Variants in PLEKHA8 observed in about 807,000 individuals in gnomAD.
PLEKHA8 encodes pleckstrin homology domain containing A8.
A neutral mutation model predicts 68.2 loss-of-function variants in PLEKHA8; 36 were observed. The observed-to-expected ratio is 0.53, with a 90% CI of 0.40 to 0.70. PLEKHA8 has a LOEUF of 0.70. Ranked by LOEUF, PLEKHA8 falls within the 30% of genes least tolerant of loss-of-function variation. The probability of loss-of-function intolerance (pLI) is 0.00; values close to 1 mark genes in which losing one functional copy is unlikely to be tolerated. For missense variants in PLEKHA8, 505 were observed against 615.4 expected, an observed-to-expected ratio of 0.82 and a Z score of 1.90; for synonymous variants, 211 against 216.1, an observed-to-expected ratio of 0.98 and a Z score of 0.20.
intron 13 of PLEKHA8, among the ~76,000 whole-genome samples, chr7:30,074,607 A>T (rs1433334135): frequency 6.6e-6 from 1 of 152,174 alleles, no homozygotes; most frequent in Admixed American, 6.5e-5. Context: ...CATTCAGGTG[A>T]TGAAGTCAAC....
chr7:30,044,726 GAAA>G (rs1791815310), intron 1 of PLEKHA8, among the ~76,000 whole-genome samples: 1 of 152,146 alleles, frequency 6.6e-6, no homozygotes, highest in Admixed American at 6.5e-5. Flanking sequence ...ATTCGTCTTA[GAAA>G]AAGTAAAAAT....
intron 13 of PLEKHA8, among the ~76,000 whole-genome samples, chr7:30,113,602 TCCTTA>T (rs1796337641): frequency 6.6e-6 from 1 of 152,200 alleles, no homozygotes; most frequent in Non-Finnish European, 1.5e-5. Context: ...GCAGATTCTT[TCCTTA>T]CAATTCTAGT....
intron 13 of PLEKHA8, among the ~76,000 whole-genome samples, chr7:30,114,070 T>C (rs1796353406): frequency 6.6e-6 from 1 of 152,132 alleles, no homozygotes. Flanking sequence ...GGCTAATTTT[T>C]GTATTTTTAA....
At chr7:30,055,024 TAAG>T (rs1170195082) in intron 8 of PLEKHA8, among the ~76,000 whole-genome samples, 159 bp downstream of exon 8, 1 of 152,232 alleles carries the variant, frequency 6.6e-6, no homozygotes, top group Non-Finnish European at 1.5e-5. Context: ...TACCAATGAA[TAAG>T]AAGGAATTCA....
intron 12 of PLEKHA8, among the ~76,000 whole-genome samples, chr7:30,063,230 C>T (rs372119458): frequency 6.6e-5 from 10 of 152,092 alleles, no homozygotes; most frequent in African/African-American, 2.4e-4. Context: ...AGTCATAAAG[C>T]CAAAATGGGA....
chr7:30,105,552 T>A (rs1173172994), intron 13 of PLEKHA8, among the ~76,000 whole-genome samples: 1 of 152,108 alleles, frequency 6.6e-6, no homozygotes, highest in Non-Finnish European at 1.5e-5. Context: ...CCAGTTCAAA[T>A]AGCCAGATCA....
At chr7:30,041,699 A>G (rs950375735) in intron 1 of PLEKHA8, among the ~76,000 whole-genome samples, 1 of 152,140 alleles carries the variant, frequency 6.6e-6, no homozygotes, top group Admixed American at 6.5e-5. Flanking sequence ...CCAGCCTTCA[A>G]GCTGCTTTCA....
At chr7:30,036,009 A>C (rs1328059793) in intron 1 of PLEKHA8, among the ~76,000 whole-genome samples, 1 of 151,512 alleles carries the variant, frequency 6.6e-6, no homozygotes, top group Non-Finnish European at 1.5e-5. Flanking sequence ...TAATGCCAAC[A>C]CTTTGGGAGG....
intron 5 of PLEKHA8, 121 bp downstream of exon 5, chr7:30,049,503 C>T: frequency 3.9e-6 from 5 of 1,276,820 alleles, no homozygotes; most frequent in Non-Finnish European, 4.2e-6. Context: ...ATGGACTTTG[C>T]TCTACGTCCT....
intron 13 of PLEKHA8, among the ~76,000 whole-genome samples, chr7:30,100,146 A>G (rs142547309): frequency 1.1e-3 from 172 of 152,258 alleles, no homozygotes; most frequent in African/African-American, 3.7e-3. Context: ...GAGACCTGTC[A>G]TTGGATTTAG....
rs748510108 is a variant in PLEKHA8, at chr7:30,054,832, T to C, written c.920T>C (p.Val307Ala). 31 of 1,610,434 alleles carry C rather than the reference T, an allele frequency of 1.9e-5. 1 individual carries two copies. The Admixed American group carries it at 5.1e-4, about 26-fold the overall frequency. The change falls in exon 8 of 14, where the codon GTT (valine) becomes GCT (alanine). Residue 307 changes from valine (V) to alanine (A), a missense_variant. Transcript: ENST00000449726. ...TGCCTCTGGGAGGAAGGCAAAGAAGTTATCCCAACTTTCTTTAGTACCATG... is the reference window on the plus strand; with the variant it reads ...TGCCTCTGGGAGGAAGGCAAAGAAGCTATCCCAACTTTCTTTAGTACCATG... ...PECLWEEGKE[V>A]IPTFFSTMNT...
intron 12 of PLEKHA8, among the ~76,000 whole-genome samples, chr7:30,065,560 G>C (rs1793786579): frequency 6.6e-6 from 1 of 151,892 alleles, no homozygotes; most frequent in Admixed American, 6.6e-5. Flanking sequence ...TTCTCATTTT[G>C]AAGTCCCAGC....
chr7:30,051,908 G>A (rs190604773), intron 6 of PLEKHA8, among the ~76,000 whole-genome samples: 1 of 152,256 alleles, frequency 6.6e-6, no homozygotes, highest in East Asian at 1.9e-4. Flanking sequence ...GGAAGGCAGA[G>A]GTTGCAGTGA....
intron 6 of PLEKHA8, among the ~76,000 whole-genome samples, chr7:30,051,300 A>G (rs1036963954): frequency 6.6e-6 from 1 of 151,974 alleles, no homozygotes; most frequent in African/African-American, 2.4e-5. Context: ...CCTGTTCTAA[A>G]TATTCTTACT....
chr7:30,085,285 C>T (rs1479211146), downstream of PLEKHA8, among the ~76,000 whole-genome samples: 1 of 152,112 alleles, frequency 6.6e-6, no homozygotes, highest in Admixed American at 6.6e-5. Flanking sequence ...AAACAGAAGA[C>T]CATTTTGAAG....
chr7:30,066,222 G>A (rs1381706922), intron 12 of PLEKHA8, among the ~76,000 whole-genome samples: 1 of 152,192 alleles, frequency 6.6e-6, no homozygotes, highest in Non-Finnish European at 1.5e-5. Context: ...CTTAAGTAAG[G>A]TTTGAGGTGA....
chr7:30,129,124 G>C (rs981580064), intron 13 of PLEKHA8: 2 of 1,172,132 alleles, frequency 1.7e-6, no homozygotes, highest in Non-Finnish European at 2.5e-6. Context: ...TTAGCAATAA[G>C]ATTCTGGAAA....
chr7:30,061,440 A>T (rs1793430345), intron 10 of PLEKHA8, among the ~76,000 whole-genome samples: 1 of 152,156 alleles, frequency 6.6e-6, no homozygotes, highest in Non-Finnish European at 1.5e-5. Flanking sequence ...ATGCAGATTA[A>T]ATGTTACCTT....
chr7:30,047,122 G>A (rs1453656088), intron 3 of PLEKHA8, among the ~76,000 whole-genome samples: 1 of 152,176 alleles, frequency 6.6e-6, no homozygotes, highest in Non-Finnish European at 1.5e-5. Context: ...AACTCTTCAC[G>A]TAGATTCATA....
Sources: allele counts gnomAD v4.1 joint callset (sites outside exome capture counted in the v4.1 genomes callset), GRCh38; gene constraint gnomAD v4.1.1; transcripts MANE v1.5; gene names NCBI Gene and HGNC (gene_info 2026-07-23, HGNC 2026-07-21).